Variants in PHLDB2 observed in about 807,000 individuals in gnomAD.
PHLDB2 encodes pleckstrin homology like domain family B member 2, also known as pleckstrin homology-like domain family B member 2.
A neutral mutation model predicts 123.6 loss-of-function variants in PHLDB2; 71 were observed. That is an observed-to-expected ratio of 0.57 (90% confidence interval 0.47 to 0.70). PHLDB2 has a LOEUF of 0.70. Among genes scored for constraint, PHLDB2 ranks in the 30% least tolerant of loss-of-function variants. The probability of loss-of-function intolerance (pLI) is 0.00; values close to 1 mark genes in which losing one functional copy is unlikely to be tolerated. For missense variants in PHLDB2, 1,446 were observed against 1,519.5 expected (o/e 0.95, Z 0.80); for synonymous variants, 547 against 541.6 (o/e 1.01, Z -0.14).
chr3:111,966,389 T>C (rs990196954), intron 13 of PHLDB2, among the ~76,000 whole-genome samples: 3 of 152,198 alleles, frequency 2.0e-5, no homozygotes, highest in Non-Finnish European at 4.4e-5. Context: ...TAAGTCAGTG[T>C]CACCTACAAT....
intron 2 of PHLDB2, among the ~76,000 whole-genome samples, chr3:111,900,857 C>T (rs1161078856): frequency 3.3e-5 from 5 of 152,138 alleles, no homozygotes; most frequent in South Asian, 4.2e-4. Context: ...TTTCTTAACA[C>T]TATTCTCAGA....
At chr3:111,945,770 T>C (rs1392736812) in intron 9 of PHLDB2, among the ~76,000 whole-genome samples, 2 of 152,158 alleles carry the variant, frequency 1.3e-5, no homozygotes, top group Non-Finnish European at 2.9e-5. Flanking sequence ...TGAAAATGCC[T>C]GCAAACATTT....
At chr3:111,946,085 G>A (rs1013777752) in intron 9 of PHLDB2, among the ~76,000 whole-genome samples, 3 of 152,184 alleles carry the variant, frequency 2.0e-5, no homozygotes, top group Admixed American at 1.3e-4. Flanking sequence ...AGGCTGGCAT[G>A]ATCTCAGCTC....
chr3:111,785,508 A>G (rs2060646496), intron 1 of PHLDB2, among the ~76,000 whole-genome samples: 1 of 152,136 alleles, frequency 6.6e-6, no homozygotes, highest in African/African-American at 2.4e-5. Context: ...TTCAAATATA[A>G]TATTTTCCTC....
chr3:111,846,684 G>T (rs1285528812), intron 2 of PHLDB2, among the ~76,000 whole-genome samples: 1 of 152,096 alleles, frequency 6.6e-6, no homozygotes, highest in Non-Finnish European at 1.5e-5. Flanking sequence ...AGAAAAACCT[G>T]TGTTAGGGCT....
chr3:111,952,791 T>G, intron 11 of PHLDB2, 79 bp downstream of exon 11: 9 of 1,460,578 alleles, frequency 6.2e-6, no homozygotes, highest in Non-Finnish European at 7.4e-6. Flanking sequence ...TAAAGGCCTT[T>G]AAAGAAAAGT....
chr3:111,750,807 A>G (rs973612067), intron 1 of PHLDB2, among the ~76,000 whole-genome samples: 2 of 152,006 alleles, frequency 1.3e-5, no homozygotes, highest in Admixed American at 6.6e-5. Context: ...TTAGCCGGGC[A>G]TGGTGGTGCA....
chr3:111,814,566 CAT>C (rs2061984515), intron 1 of PHLDB2, among the ~76,000 whole-genome samples: 1 of 150,618 alleles, frequency 6.6e-6, no homozygotes, highest in Admixed American at 6.6e-5. Context: ...AAGTTTTCTA[CAT>C]AGATGTCTGC....
chr3:111,872,530 A>C (rs2065395950), intron 1 of PHLDB2, among the ~76,000 whole-genome samples: 1 of 152,148 alleles, frequency 6.6e-6, no homozygotes, highest in African/African-American at 2.4e-5. Flanking sequence ...TGATGTGTGC[A>C]ATCACGTCCC....
chr3:111,959,220 T>C (rs1282016927), intron 12 of PHLDB2, among the ~76,000 whole-genome samples: 2 of 152,250 alleles, frequency 1.3e-5, no homozygotes, highest in Non-Finnish European at 2.9e-5. Flanking sequence ...GGAATCACAC[T>C]GGTTCAATTG....
intron 3 of PHLDB2, chr3:111,914,383 A>G (rs1477740247): frequency 6.6e-6 from 1 of 152,082 alleles, no homozygotes; most frequent in African/African-American, 2.4e-5. Flanking sequence ...CTTCTAAAAG[A>G]CCATATTAAA....
At chr3:111,830,548 G>A (rs1220180105) in intron 1 of PHLDB2, among the ~76,000 whole-genome samples, 2 of 146,912 alleles carry the variant, frequency 1.4e-5, no homozygotes, top group East Asian at 4.0e-4. Context: ...GGTGGCTCAC[G>A]CCTGTAATCC....
intron 1 of PHLDB2, among the ~76,000 whole-genome samples, chr3:111,837,702 T>A (rs7637689): frequency 0.71 from 108,357 of 152,110 alleles, 38,867 homozygotes; most frequent in Middle Eastern, 0.85. Context: ...AGGTTAGTAT[T>A]AAGCTTACTA....
intron 17 of PHLDB2, among the ~76,000 whole-genome samples, chr3:111,974,035 G>A (rs189770279): frequency 1.2e-3 from 178 of 152,244 alleles, no homozygotes; most frequent in African/African-American, 4.1e-3. Flanking sequence ...GGACATAATG[G>A]TTTGGGAAAC....
intron 13 of PHLDB2, 27 bp from the exon 14 acceptor site, chr3:111,966,586 C>G: frequency 6.4e-7 from 1 of 1,556,772 alleles, no homozygotes. Context: ...AACCAATATT[C>G]TCAAAAGGCT....
At chr3:111,970,386 G>T (rs1001290718) in intron 16 of PHLDB2, among the ~76,000 whole-genome samples, 2 of 152,120 alleles carry the variant, frequency 1.3e-5, no homozygotes, top group Non-Finnish European at 2.9e-5. Flanking sequence ...AAAAGGGGGT[G>T]GGGAGAGGTT....
chr3:111,934,856 G>A (rs1324225310), intron 6 of PHLDB2, among the ~76,000 whole-genome samples: 1 of 152,096 alleles, frequency 6.6e-6, no homozygotes, highest in Non-Finnish European at 1.5e-5. Context: ...AGGATATTTA[G>A]GCCCATAGAG....
intron 2 of PHLDB2, among the ~76,000 whole-genome samples, chr3:111,904,249 G>A (rs1577048033): frequency 8.5e-6 from 1 of 117,096 alleles, no homozygotes; most frequent in African/African-American, 3.2e-5. Context: ...CTGCACTATA[G>A]CCTGGGTGAC....
chr3:111,940,846 G>A (rs1169341836), intron 8 of PHLDB2, among the ~76,000 whole-genome samples: 1 of 152,094 alleles, frequency 6.6e-6, no homozygotes, highest in Non-Finnish European at 1.5e-5. Flanking sequence ...AATAAGCAAG[G>A]ATGTTTTCTT....
Sources: gnomAD v4.1 joint callset for allele counts (sites outside exome capture counted in the v4.1 genomes callset) on GRCh38, gnomAD v4.1.1 for gene constraint, MANE v1.5 for transcripts, NCBI Gene and HGNC (gene_info 2026-07-23, HGNC 2026-07-21) for gene names.